TEX14: variants seen among roughly 807,000 people sequenced by gnomAD.
TEX14 encodes inactive serine/threonine-protein kinase TEX14.
In TEX14, 168 loss-of-function variants were observed where a neutral mutation model predicts 178.6. The observed-to-expected ratio is 0.94, with a 90% CI of 0.83 to 1.07. TEX14 has a LOEUF of 1.07. TEX14 is among the 50% of genes least tolerant of loss of function. The pLI is 0.00. For missense variants in TEX14, 1,730 were observed against 1,753.6 expected (o/e 0.99, Z 0.24); for synonymous variants, 626 against 634.1 (o/e 0.99, Z 0.19).
At chr17:58,568,060 T>C (rs2044439880) in intron 26 of TEX14, 1 of 152,272 alleles carries the variant, frequency 6.6e-6, no homozygotes, top group South Asian at 2.1e-4. Flanking sequence ...TGACCTCCAC[T>C]CTCAGCAGTT....
chr17:58,597,810 T>G (rs556158022), intron 14 of TEX14, among the ~76,000 whole-genome samples: 1 of 152,202 alleles, frequency 6.6e-6, no homozygotes, highest in African/African-American at 2.4e-5. Flanking sequence ...GTCACCATGC[T>G]AGGTGCTGGG....
Position 58,598,892 on chromosome 17 carries a change from G to C in TEX14, c.2453C>G (p.Pro818Arg). ...GTCTCTTACCATTCTTGGAAATCTTGGTAGGGTTGGGTAGTTGCCACTGGT... is the reference window on the plus strand; with the variant it reads ...GTCTCTTACCATTCTTGGAAATCTTCGTAGGGTTGGGTAGTTGCCACTGGT... ...PDTSGNYPTL[P>R]RFPRMLPTLC... Residue 818 changes from proline to arginine, a missense_variant, in exon 14 of 32, where the codon CCA becomes CGA. Around this residue, in one of 2 missense-constraint regions of TEX14, gnomAD observed 941 missense variants for 1,072.4 expected, o/e 0.88. Coordinates refer to ENST00000349033, the MANE Select transcript of TEX14 (RefSeq NM_031272.5). The C allele has an allele frequency of 6.2e-7, 1 of 1,602,388 alleles. No homozygotes were observed. Among genetic ancestry groups the C allele is most frequent in the South Asian group, 1.1e-5 (1 of 89,264 alleles).
At chr17:58,598,549 A>G (rs1192478991) in intron 14 of TEX14, among the ~76,000 whole-genome samples, 1 of 152,186 alleles carries the variant, frequency 6.6e-6, no homozygotes. Flanking sequence ...GAGAAGGACA[A>G]TGGGCTGTGT....
chr17:58,681,034 C>A lies in TEX14; in HGVS notation c.-2+10905G>T, dbSNP rs113977935. ...CAGTGGCTCACACCTGTAATCCCAG[C>A]ACTTTGGGAGGCTGAGGTGGGTGGA... On this transcript the variant is annotated intron_variant, in intron 1 of 31. Coordinates refer to ENST00000349033, the MANE Select transcript of TEX14 (RefSeq NM_031272.5). Among the ~76,000 whole-genome samples the A allele has an allele frequency of 9.2e-3, 1,391 of 152,020 alleles. 24 individuals are homozygous for A. The highest frequency in any genetic ancestry group is 0.031 in the African/African-American group (1,285 of 41,480).
rs1286537361 is a variant in TEX14, at chr17:58,579,646, T to C, written c.3238+19A>G. The C allele has an allele frequency of 6.2e-7, 1 of 1,605,330 alleles. No individual in the cohort carries two copies. Among genetic ancestry groups the C allele is most frequent in the Admixed American group, 1.7e-5 (1 of 59,838 alleles). ...TAAGGGAAGTGATTCTCAAGGAATC[T>C]TCCCTAAGGGCTTATTACCAGAGAC... is the stretch of plus-strand genomic sequence containing the variant. On this transcript the variant is annotated intron_variant, in intron 20 of 31. Transcript: ENST00000349033.
At chr17:58,573,740 A>T (rs1182093983) in intron 22 of TEX14, among the ~76,000 whole-genome samples, 1 of 152,160 alleles carries the variant, frequency 6.6e-6, no homozygotes, top group Non-Finnish European at 1.5e-5. Flanking sequence ...GCTGGTCACG[A>T]ACTCCTGATC....
At chr17:58,579,781 A>T in intron 19 of TEX14, 50 bp from the exon 20 acceptor site, 1 of 1,388,346 alleles carries the variant, frequency 7.2e-7, no homozygotes, top group Non-Finnish European at 1.0e-6. Context: ...CTGGAGGCAG[A>T]CATATTAAAA....
intron 13 of TEX14, among the ~76,000 whole-genome samples, chr17:58,600,341 T>C (rs1281424949): frequency 6.6e-6 from 1 of 150,622 alleles, no homozygotes; most frequent in African/African-American, 2.5e-5. Context: ...CAAACCAACA[T>C]GGTGACCAAC....
At chr17:58,631,372 C>G (rs929582901) in intron 2 of TEX14, among the ~76,000 whole-genome samples, 1 of 152,102 alleles carries the variant, frequency 6.6e-6, no homozygotes, top group Non-Finnish European at 1.5e-5. Context: ...AGCATGAGGA[C>G]TGCTTAAGTG....
intron 1 of TEX14, chr17:58,660,824 G>A (rs1446251245): frequency 1.3e-6 from 1 of 783,602 alleles, no homozygotes; most frequent in African/African-American, 1.7e-5. Flanking sequence ...TGGATAGCCA[G>A]CGCCAAATAC....
In TEX14 at chr17:58,594,996, A is replaced by G. The variant is rs76534761; in HGVS notation, c.2470-1335T>C. Among the ~76,000 whole-genome samples, 355 of 152,336 alleles carry G rather than the reference A, an allele frequency of 2.3e-3. 1 individual carries two copies. The highest frequency in any genetic ancestry group is 8.2e-3 in the African/African-American group (340 of 41,574). On this transcript the variant is annotated intron_variant, in intron 14 of 31. Coordinates refer to ENST00000349033, the MANE Select transcript of TEX14 (RefSeq NM_031272.5). ...AAAATTACTACATGCTCCCTGAAGT[A>G]TAAGATCCAGAGGCCTTTGTATGGG... is the stretch of plus-strand genomic sequence containing the variant.
chr17:58,651,093 G>A (rs1391061714), intron 2 of TEX14, among the ~76,000 whole-genome samples: 1 of 152,140 alleles, frequency 6.6e-6, no homozygotes, highest in African/African-American at 2.4e-5. Context: ...CATGGCGAAA[G>A]CATCTCTACA....
chr17:58,635,773 C>A (rs894986174), intron 2 of TEX14, among the ~76,000 whole-genome samples: 2 of 152,002 alleles, frequency 1.3e-5, no homozygotes, highest in Non-Finnish European at 2.9e-5. Flanking sequence ...TCTCTGTCGC[C>A]TAGGCTGGAG....
At chr17:58,677,172 A>G (rs147759146) in intron 1 of TEX14, among the ~76,000 whole-genome samples, 290 of 151,926 alleles carry the variant, frequency 1.9e-3, no homozygotes, top group Non-Finnish European at 3.6e-3. Flanking sequence ...ATGCCTGTAC[A>G]GCTACTTGGA....
intron 1 of TEX14, among the ~76,000 whole-genome samples, chr17:58,652,960 C>T (rs999355876): frequency 1.3e-5 from 2 of 151,968 alleles, no homozygotes; most frequent in Admixed American, 6.6e-5. Context: ...GTGTATGTGA[C>T]GGAGTCTTAC....
rs559087268 is a variant in TEX14 at position 58,664,191 on chromosome 17, C to A, written c.-1-12189G>T. 2.6e-5 allele frequency among the ~76,000 whole-genome samples: 4 copies of A among 152,354 alleles called. No homozygotes were observed. In the East Asian group the frequency reaches 7.7e-4, roughly 29 times the overall value. On this transcript the variant is annotated intron_variant, in intron 1 of 31. Transcript: ENST00000349033. ...TATAATCTCATTATTGAACTACCTT[C>A]CTAATTTTATTCCAGAAGGTTTGAT...
intron 1 of TEX14, among the ~76,000 whole-genome samples, chr17:58,682,262 CTTT>C (rs36042986): frequency 7.0e-6 from 1 of 141,962 alleles, no homozygotes. Flanking sequence ...CAGAGTCTTT[CTTT>C]TTTTTTTTTT....
chr17:58,659,821 C>A (rs1483921389), intron 1 of TEX14, among the ~76,000 whole-genome samples: 2 of 151,802 alleles, frequency 1.3e-5, no homozygotes, highest in Non-Finnish European at 2.9e-5. Context: ...CTCAGCCTCC[C>A]GAGTAGCTGG....
intron 1 of TEX14, among the ~76,000 whole-genome samples, chr17:58,682,486 G>A (rs889054300): frequency 1.3e-5 from 2 of 151,996 alleles, no homozygotes; most frequent in Non-Finnish European, 2.9e-5. Context: ...TCGAACTCCT[G>A]ACCCCAAATG....
Sources: allele counts gnomAD v4.1 joint callset (sites outside exome capture counted in the v4.1 genomes callset), GRCh38; gene constraint gnomAD v4.1.1; regional missense constraint gnomAD v4.1.1; transcripts MANE v1.5; gene names NCBI Gene and HGNC (gene_info 2026-07-23, HGNC 2026-07-21).